Variants in USH2A observed in about 807,000 individuals in gnomAD.
USH2A encodes Usher syndrome 2A (autosomal recessive, mild).
In USH2A, 443 loss-of-function variants were observed where a neutral mutation model predicts 538.9. That is an observed-to-expected ratio of 0.82 (90% confidence interval 0.76 to 0.89). The LOEUF is 0.89. Ranked by LOEUF, USH2A falls within the 40% of genes least tolerant of loss-of-function variation. USH2A has a pLI of 0.00. For synonymous variants in USH2A, 2,413 were observed against 2,273.5 expected, an observed-to-expected ratio of 1.06 and a Z score of -1.75; for missense variants, 6,633 against 6,324.8, an observed-to-expected ratio of 1.05 and a Z score of -1.65.
rs72733342 is a variant in USH2A at position 216,298,315 on chromosome 1, G to A, written c.1645-5945C>T. 4.9e-3 allele frequency among the ~76,000 whole-genome samples: 747 copies of A among 152,284 alleles called. 4 individuals carry two copies. The highest frequency in any genetic ancestry group is 7.7e-3 in the Non-Finnish European group (526 of 68,008). ...AGTTAGTGGAGCAAATCCAGCAAAA[G>A]CATTCCTTTGCTATTTCTAGGAAGA... is the stretch of plus-strand genomic sequence containing the variant. On this transcript the variant is annotated intron_variant, in intron 9 of 71. Transcript: ENST00000307340.
At chr1:216,182,153 T>TA (rs1443820933) in intron 20 of USH2A, among the ~76,000 whole-genome samples, 1 of 152,122 alleles carries the variant, frequency 6.6e-6, no homozygotes, top group African/African-American at 2.4e-5. Context: ...AGAAGAAAGA[T>TA]ACAGTTTGTA....
At chr1:216,331,940 C>A (rs2037872641) in intron 4 of USH2A, among the ~76,000 whole-genome samples, 1 of 152,080 alleles carries the variant, frequency 6.6e-6, no homozygotes, top group Non-Finnish European at 1.5e-5. Context: ...ATTGAGAACT[C>A]TGGAAATAAA....
At chr1:215,805,876 T>C (rs1038246362) in intron 49 of USH2A, among the ~76,000 whole-genome samples, 5 of 151,560 alleles carry the variant, frequency 3.3e-5, no homozygotes, top group African/African-American at 1.2e-4. Context: ...AAGCCAAGAA[T>C]GAGGGCACCT....
In USH2A at chr1:215,622,894, G is replaced by A. The variant is rs1217943450; in HGVS notation, c.*2887C>T. 6.6e-6 allele frequency: 1 copy of A among 151,952 alleles called. No individual in the cohort carries two copies. The highest frequency in any genetic ancestry group is 1.5e-5 in the Non-Finnish European group (1 of 67,978). 9.4% of individuals were successfully genotyped at this position (151,952 alleles called of 1,614,324 possible). A position where few individuals can be genotyped will look rare whatever the true frequency, so the allele number is the denominator to read the frequency against. ...TAAATAGATGATTAAGCCAGAATTA[G>A]GTCACATTCAAATATTTATTAAGCA... On this transcript the variant is annotated 3_prime_UTR_variant, in exon 72 of 72. Coordinates refer to ENST00000307340, the MANE Select transcript of USH2A (RefSeq NM_206933.4).
At chr1:216,293,849 T>C (rs1268835202) in intron 9 of USH2A, among the ~76,000 whole-genome samples, 2 of 152,234 alleles carry the variant, frequency 1.3e-5, no homozygotes, top group African/African-American at 2.4e-5. Context: ...TGTGCATCTG[T>C]TATTTTATGT....
At chr1:215,864,398 C>T (rs1664416682) in intron 44 of USH2A, among the ~76,000 whole-genome samples, 1 of 151,930 alleles carries the variant, frequency 6.6e-6, no homozygotes, top group African/African-American at 2.4e-5. Context: ...TATAATTTAT[C>T]TTTGGTGTAT....
At chr1:215,808,115 T>C (rs1341775376) in intron 49 of USH2A, among the ~76,000 whole-genome samples, 1 of 152,120 alleles carries the variant, frequency 6.6e-6, no homozygotes, top group Non-Finnish European at 1.5e-5. Flanking sequence ...TACACAAAAC[T>C]TATGCTTTCA....
intron 64 of USH2A, 60 bp from the exon 65 acceptor site, chr1:215,650,861 A>G (rs544849300): frequency 2.6e-5 from 41 of 1,579,292 alleles, no homozygotes; most frequent in Middle Eastern, 2.3e-4. Flanking sequence ...GGGAAAAAAA[A>G]AAAAAAAAGA....
intron 4 of USH2A, among the ~76,000 whole-genome samples, chr1:216,349,569 T>A (rs1183425711): frequency 6.6e-6 from 1 of 152,118 alleles, no homozygotes; most frequent in Non-Finnish European, 1.5e-5. Flanking sequence ...TGACCTCTGG[T>A]TGTCCTCACT....
chr1:216,135,125 G>A (rs1175092019), intron 21 of USH2A, among the ~76,000 whole-genome samples: 1 of 143,536 alleles, frequency 7.0e-6, no homozygotes, highest in Non-Finnish European at 1.5e-5. Context: ...ATCTGTCTTG[G>A]AGCCTGAAAC....
chr1:216,337,403 G>C (rs1464131005), intron 4 of USH2A, among the ~76,000 whole-genome samples: 2 of 151,276 alleles, frequency 1.3e-5, no homozygotes, highest in South Asian at 2.1e-4. Flanking sequence ...GACATTAAGA[G>C]AAAGGAAAAC....
At chr1:215,793,163 A>T (rs1662030031) in intron 50 of USH2A, among the ~76,000 whole-genome samples, 1 of 152,156 alleles carries the variant, frequency 6.6e-6, no homozygotes, top group Non-Finnish European at 1.5e-5. Flanking sequence ...AGCATTTATA[A>T]GCATATCTGT....
At chr1:216,418,723 C>A in intron 2 of USH2A, 44 bp from the exon 3 acceptor site, 1 of 1,604,948 alleles carries the variant, frequency 6.2e-7, no homozygotes, top group Non-Finnish European at 8.5e-7. Flanking sequence ...AGCATCCAAC[C>A]AAAAAGACAT....
At chr1:215,954,084 G>C (rs1328794574) in intron 37 of USH2A, among the ~76,000 whole-genome samples, 1 of 152,144 alleles carries the variant, frequency 6.6e-6, no homozygotes, top group Admixed American at 6.5e-5. Context: ...GAGAGGATGT[G>C]GAGAAATAGG....
At chr1:215,850,308 T>A (rs538935999) in intron 44 of USH2A, among the ~76,000 whole-genome samples, 1 of 152,168 alleles carries the variant, frequency 6.6e-6, no homozygotes, top group African/African-American at 2.4e-5. Flanking sequence ...ATTTAAATTT[T>A]AAAATATAGT....
At chr1:215,763,973 G>A (rs1367961736) in intron 56 of USH2A, among the ~76,000 whole-genome samples, 1 of 152,126 alleles carries the variant, frequency 6.6e-6, no homozygotes, top group Non-Finnish European at 1.5e-5. Flanking sequence ...TTAGGTGATA[G>A]GTAGGTGGTA....
At chr1:216,230,239 G>A (rs1168688845) in intron 14 of USH2A, among the ~76,000 whole-genome samples, 1 of 152,148 alleles carries the variant, frequency 6.6e-6, no homozygotes, top group African/African-American at 2.4e-5. Context: ...GGAATCTGTA[G>A]AATATTATTT....
intron 36 of USH2A, among the ~76,000 whole-genome samples, chr1:215,966,116 TATTG>T (rs1284143307): frequency 2.0e-5 from 3 of 151,998 alleles, no homozygotes; most frequent in Non-Finnish European, 4.4e-5. Flanking sequence ...CACAAAAAAA[TATTG>T]ATTGTGTTAA....
chr1:215,804,043 C>G (rs1245347134), intron 49 of USH2A, among the ~76,000 whole-genome samples: 1 of 152,144 alleles, frequency 6.6e-6, no homozygotes, highest in African/African-American at 2.4e-5. Context: ...AAAGGATTCC[C>G]TATTTAATAA....
Sources: allele counts gnomAD v4.1 joint callset (sites outside exome capture counted in the v4.1 genomes callset), GRCh38; gene constraint gnomAD v4.1.1; transcripts MANE v1.5; gene names NCBI Gene and HGNC (gene_info 2026-07-23, HGNC 2026-07-21).